Variants in PLD1 observed in about 807,000 individuals in gnomAD.
PLD1 encodes the protein phospholipase D1.
Under a neutral mutation model 137.1 loss-of-function variants are expected in PLD1, and 112 were observed. The ratio of observed to expected loss-of-function variants is 0.82; its 90% CI spans 0.70 to 0.96. The LOEUF (loss-of-function observed/expected upper bound fraction) is 0.96. Ranked by LOEUF, PLD1 falls within the 40% of genes least tolerant of loss-of-function variation. The probability of loss-of-function intolerance (pLI) is 0.00; values close to 1 mark genes in which losing one functional copy is unlikely to be tolerated. For synonymous variants in PLD1, 431 were observed against 454.7 expected, an observed-to-expected ratio of 0.95 and a Z score of 0.66; for missense variants, 1,321 against 1,342.0, an observed-to-expected ratio of 0.98 and a Z score of 0.24.
At chr3:171,680,122 G>A (rs542168653) in intron 16 of PLD1, among the ~76,000 whole-genome samples, 6 of 151,460 alleles carry the variant, frequency 4.0e-5, no homozygotes, top group South Asian at 2.1e-4. Flanking sequence ...CTCATCTCTC[G>A]GCTTCCAGGT....
chr3:171,671,897 C>T, intron 19 of PLD1, among the ~76,000 whole-genome samples: 1 of 150,472 alleles, frequency 6.6e-6, no homozygotes, highest in East Asian at 1.9e-4. Context: ...GCTTCTTGCC[C>T]AATCGAAAAA....
At chr3:171,624,469 T>C (rs113613931) in intron 23 of PLD1, among the ~76,000 whole-genome samples, 4,524 of 152,206 alleles carry the variant, frequency 0.03, 158 homozygotes, top group African/African-American at 0.084. Flanking sequence ...TAGCAATATC[T>C]AACAAAGCTA....
intron 16 of PLD1, among the ~76,000 whole-genome samples, chr3:171,682,132 GAAA>G (rs1714041027): frequency 1.2e-5 from 1 of 82,730 alleles, no homozygotes; most frequent in African/African-American, 6.0e-5. Flanking sequence ...AAGAAAGAAA[GAAA>G]GAAAGAAAGA....
chr3:171,662,667 T>C (rs1423878391), intron 19 of PLD1, among the ~76,000 whole-genome samples: 1 of 152,244 alleles, frequency 6.6e-6, no homozygotes, highest in Non-Finnish European at 1.5e-5. Context: ...TAGCTCTGAC[T>C]TAACAATGTG....
intron 21 of PLD1, among the ~76,000 whole-genome samples, chr3:171,652,794 T>TA (rs1736899072): frequency 7.6e-6 from 1 of 131,390 alleles, no homozygotes; most frequent in Non-Finnish European, 1.7e-5. Flanking sequence ...TTTTTTTTTT[T>TA]TGTAGAGACT....
In PLD1 at chr3:171,620,378, G is replaced by C; in HGVS notation, c.2728+8C>G. The C allele has an allele frequency of 6.3e-7, 1 of 1,585,446 alleles. No individual in the cohort carries two copies. The highest frequency in any genetic ancestry group is 8.6e-7 in the Non-Finnish European group (1 of 1,159,514). On this transcript the variant is annotated splice_region_variant and intron_variant, in intron 24 of 26. Transcript: ENST00000351298. ...GGAATACAATTATAGACCATATACT[G>C]TACTTACCAATAATAACAGTGTTAT...
chr3:171,691,547 T>C (rs1425200636), intron 13 of PLD1, among the ~76,000 whole-genome samples: 2 of 152,226 alleles, frequency 1.3e-5, no homozygotes. Context: ...TTTGTATTTA[T>C]ACCAGTTTAA....
At chr3:171,780,409 G>A (rs575557432) in intron 1 of PLD1, among the ~76,000 whole-genome samples, 1 of 152,184 alleles carries the variant, frequency 6.6e-6, no homozygotes, top group Non-Finnish European at 1.5e-5. Context: ...AAACGTGGTA[G>A]TTAGCTTTAA....
At chr3:171,677,388 A>G (rs1713489158) in intron 17 of PLD1, among the ~76,000 whole-genome samples, 178 bp downstream of exon 17, 2 of 150,926 alleles carry the variant, frequency 1.3e-5, no homozygotes, top group African/African-American at 5.0e-5. Context: ...ATTATAACTG[A>G]AAAAAAAGTC....
At chr3:171,760,114 T>C (rs1420783766) in intron 1 of PLD1, among the ~76,000 whole-genome samples, 1 of 151,462 alleles carries the variant, frequency 6.6e-6, no homozygotes, top group Non-Finnish European at 1.5e-5. Flanking sequence ...TTTATTCCCG[T>C]TTTAAAAATA....
rs143380316 is a variant in PLD1, at chr3:171,718,794, G to C, written c.759-4749C>G. The stretch of plus-strand genomic sequence containing the variant: ...GGATAACATAAGACATATAACATGA[G>C]GACCTAACAGCAACATCTAGTTCAT... On this transcript the variant is annotated intron_variant, in intron 8 of 26. Coordinates refer to ENST00000351298, the MANE Select transcript of PLD1 (RefSeq NM_002662.5). 9.2e-5 allele frequency among the ~76,000 whole-genome samples: 14 copies of C among 152,186 alleles called. No individual in the cohort carries two copies. The East Asian group carries it at 2.7e-3, about 29-fold the overall frequency.
chr3:171,647,168 T>C (rs949685542), intron 21 of PLD1, among the ~76,000 whole-genome samples: 3 of 152,194 alleles, frequency 2.0e-5, no homozygotes, highest in Non-Finnish European at 4.4e-5. Context: ...CTGGTTTTGG[T>C]AGTACCCAAT....
intron 1 of PLD1, among the ~76,000 whole-genome samples, chr3:171,741,084 G>C (rs1013406625): frequency 1.2e-4 from 19 of 152,118 alleles, no homozygotes; most frequent in African/African-American, 4.3e-4. Context: ...ACCTTGGAAG[G>C]GATCATACTA....
chr3:171,703,874 G>C (rs922960130), intron 11 of PLD1, among the ~76,000 whole-genome samples: 1 of 152,138 alleles, frequency 6.6e-6, no homozygotes. Context: ...GCAGTGGAAA[G>C]CCCAAAGTTA....
Position 171,602,976 on chromosome 3 carries a change from G to A in PLD1, c.*102C>T, listed in dbSNP as rs1246592384. ...TCCAAAAGGTCCTTGGGTTGGATAC[G>A]AGAATGCGTCAGGCCTGGCTTTGGC... On this transcript the variant is annotated 3_prime_UTR_variant, in exon 27 of 27. Transcript: ENST00000351298. 2.5e-5 allele frequency: 20 copies of A among 797,174 alleles called. No homozygotes were observed. The highest frequency in any genetic ancestry group is 2.5e-5 in the Non-Finnish European group (12 of 479,808). The allele number at this position is 797,174 out of a possible 1,614,324, so 49.4% of individuals were successfully genotyped here. A position where few individuals can be genotyped will look rare whatever the true frequency, so the allele number is the denominator to read the frequency against.
rs1735160145 is a variant in PLD1 at position 171,636,692 on chromosome 3, A to G, written c.2593+6148T>C. 2.6e-5 allele frequency among the ~76,000 whole-genome samples: 4 copies of G among 152,054 alleles called. No individual in the cohort carries two copies. The South Asian group carries it at 8.3e-4, about 31-fold the overall frequency. On this transcript the variant is annotated intron_variant, in intron 23 of 26. Coordinates refer to ENST00000351298, the MANE Select transcript of PLD1 (RefSeq NM_002662.5). ...AATTTCTTAGAATTTCCTGCATACA[A>G]GATCATGTCATCTATAAAAAGAGGT...
chr3:171,690,967 T>C (rs1715097606), intron 13 of PLD1, among the ~76,000 whole-genome samples: 1 of 152,236 alleles, frequency 6.6e-6, no homozygotes, highest in Non-Finnish European at 1.5e-5. Context: ...TTTTCTCCTT[T>C]CAATCATATA....
chr3:171,708,283 CG>C (rs1716853399), intron 11 of PLD1, among the ~76,000 whole-genome samples: 1 of 152,020 alleles, frequency 6.6e-6, no homozygotes. Flanking sequence ...AAGTTGAAAC[CG>C]GATGTATCTC....
chr3:171,683,845 TA>T (rs763433705), intron 16 of PLD1, among the ~76,000 whole-genome samples: 1 of 152,228 alleles, frequency 6.6e-6, no homozygotes, highest in Non-Finnish European at 1.5e-5. Context: ...AACACTTATT[TA>T]ATTAAATAAA....
Sources: allele counts gnomAD v4.1 joint callset (sites outside exome capture counted in the v4.1 genomes callset), GRCh38; gene constraint gnomAD v4.1.1; transcripts MANE v1.5; gene names NCBI Gene and HGNC (gene_info 2026-07-23, HGNC 2026-07-21).